The following DNAJC1 variants were observed in gnomAD, a reference collection of about 807,000 sequenced individuals.
DNAJC1 encodes the protein dnaJ homolog subfamily C member 1.
Under a neutral mutation model 76.6 loss-of-function variants are expected in DNAJC1, and 58 were observed. That is an observed-to-expected ratio of 0.76 (90% CI 0.61 to 0.94). DNAJC1 has a LOEUF of 0.94. Among genes scored for constraint, DNAJC1 ranks in the 40% least tolerant of loss-of-function variants. DNAJC1 has a pLI of 0.00. For synonymous variants in DNAJC1, 258 were observed against 267.9 expected (o/e 0.96, Z 0.36); for missense variants, 689 against 677.3 (o/e 1.02, Z -0.19).
intron 9 of DNAJC1, among the ~76,000 whole-genome samples, chr10:21,784,947 T>A (rs1461826602): frequency 6.6e-6 from 1 of 152,060 alleles, no homozygotes; most frequent in Non-Finnish European, 1.5e-5. Flanking sequence ...ATATACCTAA[T>A]ATAAATGACA....
At chr10:21,769,278 AGATCT>A (rs1834344113) in intron 9 of DNAJC1, among the ~76,000 whole-genome samples, 1 of 152,344 alleles carries the variant, frequency 6.6e-6, no homozygotes, top group East Asian at 1.9e-4. Flanking sequence ...ATGGATCCTC[AGATCT>A]GAAAAGGACT....
At chr10:21,833,918 CAG>C (rs1408852014) in intron 8 of DNAJC1, among the ~76,000 whole-genome samples, 1 of 152,036 alleles carries the variant, frequency 6.6e-6, no homozygotes, top group Admixed American at 6.5e-5. Context: ...AGAAATCAGA[CAG>C]GGGAAAGATC....
Position 21,759,141 on chromosome 10 carries a change from GTGCAGAGGCC to G in DNAJC1, c.1596+19_1596+28del. On this transcript the variant is annotated intron_variant, in intron 11 of 11. Transcript: ENST00000376980. ...CTCCTCTGGTGGGATTCTAACACCT[GTGCAGAGGCC>G]TCTTTCCCCATCACTCACCTTGCTC... The G allele has an allele frequency of 6.3e-7, 1 of 1,594,762 alleles. No individual in the cohort carries two copies. Among genetic ancestry groups the G allele is most frequent in the African/African-American group, 1.3e-5 (1 of 74,450 alleles).
At chr10:21,916,264 C>T (rs1050192670) in intron 6 of DNAJC1, among the ~76,000 whole-genome samples, 1 of 152,058 alleles carries the variant, frequency 6.6e-6, no homozygotes, top group Non-Finnish European at 1.5e-5. Context: ...CTGAGGTGGG[C>T]GGATCATGAG....
intron 8 of DNAJC1, among the ~76,000 whole-genome samples, chr10:21,833,161 T>C (rs1203425608): frequency 6.6e-6 from 1 of 152,210 alleles, no homozygotes; most frequent in Non-Finnish European, 1.5e-5. Flanking sequence ...CTACATGATA[T>C]AGTGACAGTG....
intron 1 of DNAJC1, among the ~76,000 whole-genome samples, chr10:21,946,996 T>G (rs934293547): frequency 6.6e-6 from 1 of 152,186 alleles, no homozygotes; most frequent in Non-Finnish European, 1.5e-5. Context: ...CATGGGATGA[T>G]GCAGCATGAA....
intron 8 of DNAJC1, among the ~76,000 whole-genome samples, chr10:21,858,308 T>A (rs745944163): frequency 1.3e-5 from 2 of 152,232 alleles, no homozygotes; most frequent in Non-Finnish European, 1.5e-5. Context: ...CTAGTTGGGA[T>A]ACTGCCTTCT....
At chr10:21,780,378 C>T (rs1834511397) in intron 9 of DNAJC1, among the ~76,000 whole-genome samples, 1 of 152,214 alleles carries the variant, frequency 6.6e-6, no homozygotes, top group African/African-American at 2.4e-5. Flanking sequence ...GGAAGCCCAT[C>T]AGACTAACAG....
chr10:21,839,994 C>A (rs1157097868), intron 8 of DNAJC1, among the ~76,000 whole-genome samples: 1 of 152,132 alleles, frequency 6.6e-6, no homozygotes, highest in Non-Finnish European at 1.5e-5. Flanking sequence ...GAACCAAAGA[C>A]AAAAACCACA....
At chr10:21,816,036 G>A (rs557947501) in intron 8 of DNAJC1, among the ~76,000 whole-genome samples, 3 of 151,464 alleles carry the variant, frequency 2.0e-5, no homozygotes, top group South Asian at 2.1e-4. Context: ...GAGCCACCGC[G>A]CCCAGCCTTC....
At chr10:21,779,821 C>T (rs951815226) in intron 9 of DNAJC1, among the ~76,000 whole-genome samples, 1 of 152,126 alleles carries the variant, frequency 6.6e-6, no homozygotes, top group Non-Finnish European at 1.5e-5. Context: ...TGTTCGAACC[C>T]ATCGCAAAGA....
intron 1 of DNAJC1, among the ~76,000 whole-genome samples, chr10:21,967,928 A>G (rs560312091): frequency 3.3e-5 from 5 of 152,232 alleles, no homozygotes; most frequent in Non-Finnish European, 7.3e-5. Flanking sequence ...GAAAGTTAGT[A>G]CATGTTGTTT....
At chr10:21,913,758 C>T (rs1226599875) in intron 6 of DNAJC1, among the ~76,000 whole-genome samples, 2 of 152,242 alleles carry the variant, frequency 1.3e-5, no homozygotes, top group East Asian at 3.9e-4. Flanking sequence ...AGAGCAGAAA[C>T]AGACTGGTAA....
intron 6 of DNAJC1, among the ~76,000 whole-genome samples, chr10:21,913,337 A>G (rs1836898912): frequency 6.6e-6 from 1 of 152,298 alleles, no homozygotes; most frequent in Non-Finnish European, 1.5e-5. Context: ...AAGCAAATTA[A>G]GTTCTGACTG....
intron 10 of DNAJC1, among the ~76,000 whole-genome samples, chr10:21,764,621 C>T (rs945241269): frequency 6.6e-6 from 1 of 152,210 alleles, no homozygotes; most frequent in Admixed American, 6.5e-5. Context: ...AATAATACTT[C>T]AGAAGCACAG....
At chr10:21,821,393 A>G (rs1835157310) in intron 8 of DNAJC1, among the ~76,000 whole-genome samples, 1 of 152,140 alleles carries the variant, frequency 6.6e-6, no homozygotes. Context: ...GCTTCTTTAT[A>G]TAACTGTTTT....
At chr10:21,813,539 G>A (rs1835025410) in intron 8 of DNAJC1, among the ~76,000 whole-genome samples, 1 of 151,920 alleles carries the variant, frequency 6.6e-6, no homozygotes, top group Non-Finnish European at 1.5e-5. Context: ...GGGACTACAG[G>A]CGCCCACCAT....
Position 21,806,047 on chromosome 10 carries a change from T to C in DNAJC1, c.1031A>G (p.Lys344Arg), listed in dbSNP as rs1177307111. Residue 344 changes from lysine to arginine, a missense_variant, in exon 9 of 12, where the codon AAG becomes AGG. Lys to Arg is a conservative substitution (Grantham distance 26). Transcript: ENST00000376980. ...DLSQLTRSMV[K>R]FPGGTPGRWE... is the part of the protein sequence containing the mutation. ...TCGACCTGGAGTCCCTCCTGGGAAC[T>C]TAACCATACTTCTTGTCAGTTGGCT... is the stretch of plus-strand genomic sequence containing the variant. 6.2e-7 allele frequency: 1 copy of C among 1,612,106 alleles called. No individual in the cohort carries two copies. Among genetic ancestry groups the C allele is most frequent in the South Asian group, 1.1e-5 (1 of 90,974 alleles).
intron 8 of DNAJC1, among the ~76,000 whole-genome samples, chr10:21,849,330 A>G (rs929885193): frequency 2.8e-5 from 4 of 142,632 alleles, no homozygotes; most frequent in South Asian, 2.2e-4. Flanking sequence ...GTAAATGCCT[A>G]CACTGATAAG....
Sources: allele counts gnomAD v4.1 joint callset (sites outside exome capture counted in the v4.1 genomes callset), GRCh38; gene constraint gnomAD v4.1.1; transcripts MANE v1.5; gene names NCBI Gene and HGNC (gene_info 2026-07-23, HGNC 2026-07-21).